Variants in DMD observed in about 807,000 individuals in gnomAD.
The protein encoded by DMD is dystrophin.
Under a neutral mutation model 330.1 loss-of-function variants are expected in DMD, and 63 were observed. The ratio of observed to expected loss-of-function variants is 0.19; its 90% CI spans 0.16 to 0.24. DMD has a LOEUF of 0.24. DMD is among the 10% of genes least tolerant of loss of function. The pLI is 1.00. For missense variants in DMD, 3,344 were observed against 2,684.1 expected, an observed-to-expected ratio of 1.25 and a Z score of -5.43; for synonymous variants, 1,223 against 959.8, an observed-to-expected ratio of 1.27 and a Z score of -5.07.
At chrX:32,488,186 T>C (rs1182155022) in intron 20 of DMD, among the ~76,000 whole-genome samples, 1 of 112,302 alleles carries the variant, frequency 8.9e-6, no homozygotes, top group Non-Finnish European at 1.9e-5. Flanking sequence ...ACTGAAGTAT[T>C]CTGTGTTTAA....
intron 1 of DMD, among the ~76,000 whole-genome samples, chrX:33,185,694 C>T (rs977804048): frequency 3.6e-5 from 4 of 111,512 alleles, no homozygotes; most frequent in Non-Finnish European, 7.5e-5. Context: ...AAACAAAAGG[C>T]CCTTTTCCCC....
At chrX:32,844,959 G>T in intron 3 of DMD, 99 bp from the exon 4 acceptor site, 1 of 698,297 alleles carries the variant, frequency 1.4e-6, no homozygotes, top group Non-Finnish European at 2.3e-6. Context: ...CTTGAATATT[G>T]TAAACGAACA....
chrX:32,680,154 C>T (rs937364476), intron 9 of DMD, among the ~76,000 whole-genome samples: 2 of 108,745 alleles, frequency 1.8e-5, no homozygotes, highest in African/African-American at 6.7e-5. Flanking sequence ...ACTCATGATC[C>T]GCCTGCTTCG....
intron 25 of DMD, among the ~76,000 whole-genome samples, chrX:32,462,743 C>A (rs1215449959): frequency 9.1e-6 from 1 of 110,400 alleles, no homozygotes; most frequent in African/African-American, 3.3e-5. Context: ...ATTGTTTGAG[C>A]CCAGGAATTC....
chrX:32,159,936 C>A (rs1006474627), intron 44 of DMD, among the ~76,000 whole-genome samples: 1 of 111,532 alleles, frequency 9.0e-6, no homozygotes, highest in Admixed American at 9.6e-5. Flanking sequence ...AAGAAAATCC[C>A]CAGGTGATTC....
chrX:31,765,490 G>C (rs1299899676), intron 51 of DMD, among the ~76,000 whole-genome samples: 2 of 111,457 alleles, frequency 1.8e-5, no homozygotes, highest in Admixed American at 9.6e-5. Context: ...ACTCAGTATT[G>C]TATCAAAAGC....
At chrX:32,471,370 T>C (rs2040613451) in intron 22 of DMD, among the ~76,000 whole-genome samples, 1 of 112,230 alleles carries the variant, frequency 8.9e-6, no homozygotes, top group Admixed American at 9.5e-5. Context: ...GATAGAAGGA[T>C]GTTAAAAAAA....
At chrX:32,342,034 T>A in intron 41 of DMD, 66 bp downstream of exon 41, 1 of 1,049,825 alleles carries the variant, frequency 9.5e-7, no homozygotes, top group Non-Finnish European at 1.3e-6. Flanking sequence ...TTTTTTTTAT[T>A]AGTAGGCCTC....
chrX:33,101,062 C>A (rs2095233018), intron 1 of DMD, among the ~76,000 whole-genome samples: 1 of 112,086 alleles, frequency 8.9e-6, no homozygotes, highest in South Asian at 3.7e-4. Flanking sequence ...TAATTTTGCA[C>A]AGCATTTGAA....
intron 44 of DMD, among the ~76,000 whole-genome samples, chrX:32,124,389 C>T (rs946909949): frequency 2.7e-5 from 3 of 112,020 alleles, no homozygotes; most frequent in Non-Finnish European, 5.6e-5. Context: ...TGACTCATTC[C>T]GAAGACAGGG....
At chrX:31,994,903 G>GA (rs1410926801) in intron 44 of DMD, among the ~76,000 whole-genome samples, 1 of 112,215 alleles carries the variant, frequency 8.9e-6, no homozygotes, top group Admixed American at 9.4e-5. Context: ...ACCAAGTCAG[G>GA]AAATTCACTT....
intron 51 of DMD, among the ~76,000 whole-genome samples, chrX:31,745,766 G>A (rs927281352): frequency 1.8e-5 from 2 of 111,589 alleles, no homozygotes; most frequent in Non-Finnish European, 3.8e-5. Flanking sequence ...TTAGAAAAAA[G>A]GTAAACATTC....
chrX:31,595,682 T>C (rs1209670739), intron 55 of DMD, among the ~76,000 whole-genome samples: 1 of 109,401 alleles, frequency 9.1e-6, no homozygotes, highest in Non-Finnish European at 1.9e-5. Flanking sequence ...GGGGTCAGTA[T>C]ATATTTAAAT....
intron 7 of DMD, among the ~76,000 whole-genome samples, chrX:32,779,356 T>C (rs2074480003): frequency 9.0e-6 from 1 of 110,805 alleles, no homozygotes; most frequent in South Asian, 3.8e-4. Flanking sequence ...ACATTTTTTC[T>C]GTTCCTATTT....
chrX:32,262,723 C>A (rs2097328389), intron 43 of DMD, among the ~76,000 whole-genome samples: 1 of 110,708 alleles, frequency 9.0e-6, no homozygotes, highest in Non-Finnish European at 1.9e-5. Flanking sequence ...ACAGATCATA[C>A]CTAAGCTCTT....
At chrX:32,573,724 A>G in intron 14 of DMD, 21 bp downstream of exon 14, 1 of 1,198,798 alleles carries the variant, frequency 8.3e-7, no homozygotes, top group Non-Finnish European at 1.1e-6. Context: ...TTTTACAGCT[A>G]GTTTCTCACA....
At chrX:32,273,006 C>T (rs1444279988) in intron 43 of DMD, among the ~76,000 whole-genome samples, 2 of 111,500 alleles carry the variant, frequency 1.8e-5, no homozygotes, top group African/African-American at 6.5e-5. Context: ...GCTATGACAA[C>T]CAAATTCTCC....
intron 1 of DMD, among the ~76,000 whole-genome samples, chrX:33,113,590 GCCC>G (rs35940958): frequency 3.9e-5 from 4 of 102,332 alleles, no homozygotes; most frequent in African/African-American, 1.4e-4. Flanking sequence ...CATCATTCTT[GCCC>G]CCCCCCCCAA....
chrX:32,104,189 T>C (rs1476219589), intron 44 of DMD, among the ~76,000 whole-genome samples: 1 of 111,920 alleles, frequency 8.9e-6, no homozygotes, highest in Non-Finnish European at 1.9e-5. Context: ...TTGTACTACA[T>C]ATTCTTTGAA....
Sources: gnomAD v4.1 joint callset for allele counts (sites outside exome capture counted in the v4.1 genomes callset) on GRCh38, gnomAD v4.1.1 for gene constraint, MANE v1.5 for transcripts, NCBI Gene and HGNC (gene_info 2026-07-23, HGNC 2026-07-21) for gene names.